The following CAPS2 variants were observed in gnomAD, a reference collection of about 807,000 sequenced individuals.
CAPS2 encodes calcyphosine 2, also known as calcyphosin-2.
CAPS2 carries 98 observed loss-of-function variants against 86.5 expected under a neutral mutation model. The ratio of observed to expected loss-of-function variants is 1.13; its 90% CI spans 0.96 to 1.34. The LOEUF is 1.34. CAPS2 is among the 40% of genes most tolerant of loss of function. CAPS2 has a pLI of 0.00. For missense variants in CAPS2, 729 were observed against 686.8 expected, an observed-to-expected ratio of 1.06 and a Z score of -0.69; for synonymous variants, 210 against 225.1, an observed-to-expected ratio of 0.93 and a Z score of 0.60.
Position 75,304,896 on chromosome 12 carries a change from G to T in CAPS2, c.660-20C>A, listed in dbSNP as rs1396081097. 2 of 1,600,720 alleles carry T rather than the reference G, an allele frequency of 1.2e-6. No homozygotes were observed. Among genetic ancestry groups the T allele is most frequent in the Non-Finnish European group, 8.5e-7 (1 of 1,176,630 alleles). On this transcript the variant is annotated intron_variant, in intron 7 of 16. Coordinates refer to ENST00000393284, the Ensembl canonical transcript of CAPS2. The stretch of plus-strand genomic sequence containing the variant: ...ACAGCCCTATACAGGAAAATAAAAA[G>T]TCCAACAATTAAATATGATCATGCA...
chr12:75,337,502 T>C (rs1028946404), intron 1 of CAPS2, among the ~76,000 whole-genome samples: 8 of 151,896 alleles, frequency 5.3e-5, no homozygotes, highest in Non-Finnish European at 1.0e-4. Flanking sequence ...AGAAAATAAA[T>C]GGACAAATGT....
At position 75,345,928 on chromosome 12, in the gene CAPS2, T is replaced by G. The variant is rs183211868; in HGVS notation, c.-394-22706A>C. ...TTTATTGGCTAGTTTACACACAAGGTTAAGTAATTAGGAATGGTTATATTC... is the reference window on the plus strand; with the variant it reads ...TTTATTGGCTAGTTTACACACAAGGGTAAGTAATTAGGAATGGTTATATTC... On this transcript the variant is annotated intron_variant, in intron 1 of 5. Coordinates refer to the CAPS2 transcript ENST00000551829. Among the ~76,000 whole-genome samples, 512 of 152,290 alleles carry G rather than the reference T, an allele frequency of 3.4e-3. 1 individual carries two copies. Among genetic ancestry groups the G allele is most frequent in the Non-Finnish European group, 4.2e-3 (283 of 68,012 alleles).
chr12:75,299,870 T>C lies in CAPS2; in HGVS notation c.821A>G (p.His274Arg), dbSNP rs201023122. 2.9e-5 allele frequency: 45 copies of C among 1,537,666 alleles called. No individual in the cohort carries two copies. The highest frequency in any genetic ancestry group is 5.3e-6 in the Non-Finnish European group (6 of 1,128,716). Residue 274 changes from histidine to arginine, a missense_variant, in exon 9 of 17, where the codon CAT becomes CGT. Physicochemically the swap from His to Arg is conservative, Grantham distance 29 (BLOSUM62 0). Coordinates refer to ENST00000393284, the Ensembl canonical transcript of CAPS2. ...GATCCTACCATCAAACTGTAATTTATGAGAAAGCACATTTTCAGTTAATGT... is the reference window on the plus strand; with the variant it reads ...GATCCTACCATCAAACTGTAATTTACGAGAAAGCACATTTTCAGTTAATGT...
chr12:75,340,405 G>T (rs1565953578), intron 1 of CAPS2, among the ~76,000 whole-genome samples: 1 of 151,320 alleles, frequency 6.6e-6, no homozygotes, highest in African/African-American at 2.4e-5. Flanking sequence ...TATAAGAAAA[G>T]AAAAAACTTT....
At chr12:75,280,734 T>C (rs1328199257) in intron 16 of CAPS2, among the ~76,000 whole-genome samples, 1 of 151,742 alleles carries the variant, frequency 6.6e-6, no homozygotes, top group Non-Finnish European at 1.5e-5. Flanking sequence ...AATAAGTAAA[T>C]CAAACTATTT....
At chr12:75,322,229 T>C (rs1158364401) in intron 4 of CAPS2, among the ~76,000 whole-genome samples, 3 of 152,154 alleles carry the variant, frequency 2.0e-5, no homozygotes, top group Non-Finnish European at 4.4e-5. Flanking sequence ...ATTATTTGGT[T>C]CCCTACCACA....
At chr12:75,287,097 T>C (rs1025171935) in intron 14 of CAPS2, among the ~76,000 whole-genome samples, 3 of 150,320 alleles carry the variant, frequency 2.0e-5, no homozygotes, top group African/African-American at 7.3e-5. Flanking sequence ...CACATATATA[T>C]ACATATATAT....
At chr12:75,277,489 T>C in exon 17 of CAPS2, 1 of 909,888 alleles carries the variant, frequency 1.1e-6, no homozygotes, top group Non-Finnish European at 1.3e-6. Context: ...TCTTCTAGCA[T>C]ATTGTTTTAA....
chr12:75,300,948 C>CAG (rs1233047660), intron 8 of CAPS2, among the ~76,000 whole-genome samples: 2 of 152,108 alleles, frequency 1.3e-5, no homozygotes, highest in African/African-American at 4.8e-5. Flanking sequence ...CATTCCTTAC[C>CAG]AGAATAACTA....
At chr12:75,354,583 T>C (rs975727636) in intron 1 of CAPS2, among the ~76,000 whole-genome samples, 4 of 152,202 alleles carry the variant, frequency 2.6e-5, no homozygotes, top group African/African-American at 9.6e-5. Context: ...TTCAATGCTA[T>C]TCCCATTAAA....
intron 1 of CAPS2, among the ~76,000 whole-genome samples, chr12:75,345,265 CT>C (rs539468616): frequency 6.6e-6 from 1 of 151,444 alleles, no homozygotes; most frequent in African/African-American, 2.4e-5. Flanking sequence ...CAGTTTCTAT[CT>C]TTTTTTTTCT....
chr12:75,347,028 A>C (rs1018154529), intron 1 of CAPS2, among the ~76,000 whole-genome samples: 1 of 151,668 alleles, frequency 6.6e-6, no homozygotes, highest in African/African-American at 2.4e-5. Flanking sequence ...CTAGTTTTCC[A>C]TAGAAGTCTT....
chr12:75,375,059 GT>G (rs924532466), intron 1 of CAPS2, among the ~76,000 whole-genome samples: 42 of 152,264 alleles, frequency 2.8e-4, no homozygotes, highest in African/African-American at 9.9e-4. Flanking sequence ...CTGCAATATT[GT>G]TTTTGATTTA....
intron 1 of CAPS2, among the ~76,000 whole-genome samples, chr12:75,361,477 C>T (rs1242841262): frequency 2.0e-5 from 3 of 152,194 alleles, no homozygotes; most frequent in South Asian, 2.1e-4. Flanking sequence ...TGCCTCCTGC[C>T]ACTCTCAACA....
chr12:75,314,398 T>G (rs914218171), intron 6 of CAPS2, among the ~76,000 whole-genome samples: 10 of 152,134 alleles, frequency 6.6e-5, no homozygotes, highest in Non-Finnish European at 1.0e-4. Context: ...TTATTTAACA[T>G]TATTTAAATA....
chr12:75,354,365 A>G (rs147119600), intron 1 of CAPS2, among the ~76,000 whole-genome samples: 1 of 152,222 alleles, frequency 6.6e-6, no homozygotes, highest in Non-Finnish European at 1.5e-5. Flanking sequence ...CAAATCATGA[A>G]TAAATTCCCA....
Position 75,325,238 on chromosome 12 carries a change from C to G in CAPS2, c.131+1G>C. The G allele has an allele frequency of 6.5e-7, 1 of 1,549,120 alleles. No homozygotes were observed. The highest frequency in any genetic ancestry group is 8.7e-7 in the Non-Finnish European group (1 of 1,145,988). ...TCCAAATGTGAAGAAACGTAACTTA[C>G]ACTGGTGGGCAAGAATTCTGGTTTG... On this transcript the variant is annotated splice_donor_variant, in intron 2 of 16. Transcript: ENST00000393284. LOFTEE classifies it high-confidence loss of function.
At chr12:75,323,747 A>G (rs916959240) in intron 2 of CAPS2, among the ~76,000 whole-genome samples, 19 of 152,224 alleles carry the variant, frequency 1.2e-4, no homozygotes, top group African/African-American at 7.2e-5. Flanking sequence ...CTGTCTCAAA[A>G]TAAACAAATA....
chr12:75,298,665 T>G (rs370765523), intron 11 of CAPS2, 22 bp downstream of exon 11: 7 of 1,579,702 alleles, frequency 4.4e-6, no homozygotes, highest in Non-Finnish European at 6.1e-6. Flanking sequence ...ATTAAATGTG[T>G]GCACACACAC....
Sources: allele counts gnomAD v4.1 joint callset (sites outside exome capture counted in the v4.1 genomes callset), GRCh38; gene constraint gnomAD v4.1.1; transcripts MANE v1.5; gene names NCBI Gene and HGNC (gene_info 2026-07-23, HGNC 2026-07-21).